KIAA1586: variants seen among roughly 807,000 people sequenced by gnomAD.
KIAA1586 encodes KIAA1586.
Under a neutral mutation model 6.1 loss-of-function variants are expected in KIAA1586, and 5 were observed. That is an observed-to-expected ratio of 0.82 (90% CI 0.43 to 1.73). KIAA1586 has a LOEUF of 1.73. Among genes scored for constraint, KIAA1586 ranks in the 40% most tolerant of loss-of-function variants. The pLI is 0.02. For synonymous variants in KIAA1586, 280 were observed against 301.7 expected (o/e 0.93, Z 0.75); for missense variants, 899 against 878.2 (o/e 1.02, Z -0.30).
Position 57,054,233 on chromosome 6 carries a change from T to C in KIAA1586, c.1734T>C (p.Ile578=). The change falls in exon 4 of 4, where the codon ATT becomes ATC. Residue 578 remains isoleucine (I), a synonymous_variant. Coordinates refer to ENST00000370733, the MANE Select transcript of KIAA1586 (RefSeq NM_020931.4). ...KIGTGKYESQ[I]EDLIKSDKFK... is the part of the protein sequence containing the mutation. ...GTACTGGAAAGTATGAATCTCAAATTGAAGATTTGATCAAGTCAGATAAGT... is the reference window on the plus strand; with the variant it reads ...GTACTGGAAAGTATGAATCTCAAATCGAAGATTTGATCAAGTCAGATAAGT... 1.3e-6 allele frequency: 2 copies of C among 1,593,470 alleles called. No individual in the cohort carries two copies. The highest frequency in any genetic ancestry group is 1.8e-5 in the Admixed American group (1 of 54,106).
chr6:57,061,205 T>G, the KIAA1586 span, among the ~76,000 whole-genome samples: 10 of 149,684 alleles, frequency 6.7e-5, no homozygotes, highest in Non-Finnish European at 1.5e-4. Context: ...CTCAATCTCC[T>G]GACCTCGTGA....
At chr6:57,061,950 T>C in the KIAA1586 span, among the ~76,000 whole-genome samples, 1 of 151,254 alleles carries the variant, frequency 6.6e-6, no homozygotes, top group East Asian at 1.9e-4. Context: ...TTTTTTTTTT[T>C]AGACAGGGTC....
the KIAA1586 span, among the ~76,000 whole-genome samples, chr6:57,060,981 CT>C: frequency 6.3e-3 from 874 of 138,078 alleles, 3 homozygotes; most frequent in African/African-American, 0.012. Flanking sequence ...TATGTTCCGC[CT>C]TTTTTTTTTT....
chr6:57,065,564 G>A, the KIAA1586 span, among the ~76,000 whole-genome samples: 1 of 149,018 alleles, frequency 6.7e-6, no homozygotes, highest in Non-Finnish European at 1.5e-5. Flanking sequence ...ACACCTCACT[G>A]CAGCCTCGAC....
downstream of KIAA1586, among the ~76,000 whole-genome samples, chr6:57,055,790 CAAA>C (rs1033539423): frequency 5.5e-4 from 83 of 152,218 alleles, no homozygotes; most frequent in African/African-American, 1.3e-3. Context: ...TAAACAGACT[CAAA>C]GAAGGTATGT....
At chr6:57,064,451 A>T in the KIAA1586 span, among the ~76,000 whole-genome samples, 1 of 152,240 alleles carries the variant, frequency 6.6e-6, no homozygotes, top group African/African-American at 2.4e-5. Context: ...TAAGAATTTT[A>T]CTCTGTGGTA....
At chr6:57,056,249 C>T (rs749852599), downstream of KIAA1586, among the ~76,000 whole-genome samples, 39 of 151,812 alleles carry the variant, frequency 2.6e-4, no homozygotes, top group Non-Finnish European at 4.7e-4. Context: ...TTGTGTCACC[C>T]AGGCTGGAGT....
chr6:57,060,083 A>C (rs1015073219), downstream of KIAA1586, among the ~76,000 whole-genome samples: 4 of 152,176 alleles, frequency 2.6e-5, no homozygotes, highest in Admixed American at 2.0e-4. Context: ...ATTTTTAGAT[A>C]ACTTTTATTA....
chr6:57,059,836 A>G (rs530818824), downstream of KIAA1586, among the ~76,000 whole-genome samples: 2 of 152,220 alleles, frequency 1.3e-5, no homozygotes, highest in East Asian at 1.9e-4. Context: ...AAATGGCCCA[A>G]CCATTTCCCT....
intron 2 of KIAA1586, among the ~76,000 whole-genome samples, chr6:57,048,762 A>G (rs1238560777): frequency 6.6e-6 from 1 of 152,180 alleles, no homozygotes; most frequent in Non-Finnish European, 1.5e-5. Context: ...GAAGTGACAC[A>G]CGTCTGATTG....
rs201671262 is a variant in KIAA1586, at chr6:57,052,845, A to G, written c.346A>G (p.Ile116Val). ...TTTCGAGTATATTGAACAACCAATC[A>G]TTGAAGAAAAGCCATCACTTTCATC... ...PHFEYIEQPI[I>V]EEKPSLSSKK... is the part of the protein sequence containing the mutation. The change falls in exon 4 of 4, where the codon ATT becomes GTT. Residue 116 changes from isoleucine to valine, a missense_variant. Physicochemically the swap from Ile to Val is conservative, Grantham distance 29. Coordinates refer to ENST00000370733, the MANE Select transcript of KIAA1586 (RefSeq NM_020931.4). The G allele has an allele frequency of 1.1e-5, 18 of 1,613,424 alleles. No homozygotes were observed. Among genetic ancestry groups the G allele is most frequent in the Admixed American group, 1.0e-4 (6 of 59,880 alleles).
At position 57,053,716 on chromosome 6, in the gene KIAA1586, T is replaced by A. The variant is rs757322739; in HGVS notation, c.1217T>A (p.Leu406Ter). The A allele has an allele frequency of 6.2e-7, 1 of 1,610,980 alleles. No homozygotes were observed. Among genetic ancestry groups the A allele is most frequent in the Non-Finnish European group, 8.5e-7 (1 of 1,177,882 alleles). The change falls in exon 4 of 4, where the codon TTG becomes TAG. Residue 406 changes from leucine to a stop codon, truncating the protein, a stop_gained. Coordinates refer to ENST00000370733, the MANE Select transcript of KIAA1586 (RefSeq NM_020931.4). LOFTEE classifies it low-confidence loss of function (END_TRUNC). Reference protein sequence around the residue: ...LGRKSGVATKLLENFPEIIIW... With the variant: ...LGRKSGVATK Reference sequence around the variant, plus strand: ...AGAAAGTCTGGAGTAGCTACAAAATTGTTAGAAAATTTTCCTGAAATCATC... The same window carrying A: ...AGAAAGTCTGGAGTAGCTACAAAATAGTTAGAAAATTTTCCTGAAATCATC...
chr6:57,060,819 ATTTATTTT>A, the KIAA1586 span, among the ~76,000 whole-genome samples: 1 of 151,994 alleles, frequency 6.6e-6, no homozygotes, highest in Non-Finnish European at 1.5e-5. Flanking sequence ...TTATTTATTT[ATTTATTTT>A]TATTATAGAA....
Position 57,054,389 on chromosome 6 carries a change from CTT to C in KIAA1586, c.1892_1893del (p.Phe631Ter), listed in dbSNP as rs759091408. On this transcript the variant is annotated frameshift_variant, in exon 4 of 4. Coordinates refer to ENST00000370733, the MANE Select transcript of KIAA1586 (RefSeq NM_020931.4). LOFTEE classifies it low-confidence loss of function (END_TRUNC). ...GAAACCATGAAGATATTTTTAATTACTTTGATTTGCTGGAACCTTCCACATGG... is the reference window on the plus strand; with the variant it reads ...GAAACCATGAAGATATTTTTAATTACTGATTTGCTGGAACCTTCCACATGG... ...DRNHEDIFNY[F>X]DLLEPSTWPY... 2 of 1,608,894 alleles carry C rather than the reference CTT, an allele frequency of 1.2e-6. No homozygotes were observed. The highest frequency in any genetic ancestry group is 8.5e-7 in the Non-Finnish European group (1 of 1,178,160).
the KIAA1586 span, among the ~76,000 whole-genome samples, chr6:57,063,147 T>C: frequency 6.6e-6 from 1 of 152,346 alleles, no homozygotes; most frequent in African/African-American, 2.4e-5. Flanking sequence ...TTCAATTAAG[T>C]TTCATAGTTA....
At position 57,054,252 on chromosome 6, in the gene KIAA1586, G is replaced by C. The variant is rs759028229; in HGVS notation, c.1753G>C (p.Asp585His). Residue 585 changes from aspartate to histidine, a missense_variant, in exon 4 of 4, where the codon GAT becomes CAT. Physicochemically the swap from Asp to His is moderately conservative, Grantham distance 81. Transcript: ENST00000370733. ...ESQIEDLIKS[D>H]KFKDIPFNKN... ...TCAAATTGAAGATTTGATCAAGTCA[G>C]ATAAGTTTAAAGATATTCCATTTAA... The C allele has an allele frequency of 1.9e-6, 3 of 1,592,832 alleles. No homozygotes were observed. The highest frequency in any genetic ancestry group is 1.1e-5 in the South Asian group (1 of 88,124).
Position 57,052,780 on chromosome 6 carries a change from G to A in KIAA1586, c.281G>A (p.Ser94Asn), listed in dbSNP as rs777951207. The A allele has an allele frequency of 1.2e-6, 2 of 1,612,346 alleles. No individual in the cohort carries two copies. Among genetic ancestry groups the A allele is most frequent in the African/African-American group, 1.3e-5 (1 of 74,824 alleles). The change falls in exon 4 of 4, where the codon AGC becomes AAC. Residue 94 changes from serine (S) to asparagine (N), a missense_variant. Physicochemically the swap from Ser to Asn is conservative, Grantham distance 46. Coordinates refer to ENST00000370733, the MANE Select transcript of KIAA1586 (RefSeq NM_020931.4). ...VKTDTENNEV[S>N]KNHCRLSKAK... ...ACAGACACAGAAAATAATGAAGTGA[G>A]CAAAAATCACTGCAGATTGTCTAAG...
chr6:57,052,126 C>T (rs973758803), intron 3 of KIAA1586, among the ~76,000 whole-genome samples: 3 of 152,166 alleles, frequency 2.0e-5, no homozygotes, highest in Non-Finnish European at 4.4e-5. Context: ...CATGTTGCTA[C>T]TACAGTCAGC....
intron 2 of KIAA1586, among the ~76,000 whole-genome samples, chr6:57,050,225 T>A (rs1009390044): frequency 6.6e-6 from 1 of 151,910 alleles, no homozygotes; most frequent in East Asian, 1.9e-4. Flanking sequence ...ATTTAGGCTC[T>A]TTGGGTTTTG....
Sources: gnomAD v4.1 joint callset for allele counts (sites outside exome capture counted in the v4.1 genomes callset) on GRCh38, gnomAD v4.1.1 for gene constraint, MANE v1.5 for transcripts, NCBI Gene and HGNC (gene_info 2026-07-23, HGNC 2026-07-21) for gene names.